The following VIPR1 variants were observed in gnomAD, a reference collection of about 807,000 sequenced individuals.
The protein encoded by VIPR1 is vasoactive intestinal polypeptide receptor 1.
VIPR1 carries 59 observed loss-of-function variants against 58.8 expected under a neutral mutation model. The ratio of observed to expected loss-of-function variants is 1.00; its 90% CI spans 0.81 to 1.25. The LOEUF is 1.25. Ranked by LOEUF, VIPR1 falls within the 50% of genes most tolerant of loss-of-function variation. VIPR1 has a pLI of 0.00. For missense variants in VIPR1, 626 were observed against 602.7 expected, an observed-to-expected ratio of 1.04 and a Z score of -0.40; for synonymous variants, 251 against 242.1, an observed-to-expected ratio of 1.04 and a Z score of -0.34.
intron 1 of VIPR1, among the ~76,000 whole-genome samples, chr3:42,497,608 A>C (rs747776312): frequency 7.9e-5 from 12 of 152,122 alleles, no homozygotes; most frequent in Non-Finnish European, 1.2e-4. Flanking sequence ...TCGCCACCCA[A>C]ATGTCATCTT....
At chr3:42,497,109 A>G (rs1699777192) in intron 1 of VIPR1, among the ~76,000 whole-genome samples, 1 of 152,202 alleles carries the variant, frequency 6.6e-6, no homozygotes, top group Non-Finnish European at 1.5e-5. Flanking sequence ...ACAGGAACGC[A>G]GGACTGGGAA....
chr3:42,517,667 CTG>C (rs1188123192), intron 2 of VIPR1, among the ~76,000 whole-genome samples: 1 of 152,172 alleles, frequency 6.6e-6, no homozygotes, highest in African/African-American at 2.4e-5. Flanking sequence ...TTGGGGGAAT[CTG>C]TGTTGTTCAA....
upstream of VIPR1, among the ~76,000 whole-genome samples, chr3:42,498,471 C>T (rs1038561398): frequency 1.3e-4 from 20 of 152,310 alleles, no homozygotes; most frequent in Non-Finnish European, 1.5e-5. Flanking sequence ...TAAACATTCA[C>T]ACTCCTAACT....
At chr3:42,535,310 C>T in intron 11 of VIPR1, 33 bp from the exon 12 acceptor site, 3 of 1,613,540 alleles carry the variant, frequency 1.9e-6, no homozygotes, top group Non-Finnish European at 2.5e-6. Context: ...TCTGGTCTGT[C>T]TACCTCACCT....
At chr3:42,495,368 T>G (rs1289605677) in intron 1 of VIPR1, among the ~76,000 whole-genome samples, 4 of 152,082 alleles carry the variant, frequency 2.6e-5, no homozygotes, top group Admixed American at 1.3e-4. Flanking sequence ...TGATCTGCCC[T>G]CCTTGGCCTC....
At chr3:42,532,174 C>A in intron 9 of VIPR1, 68 bp from the exon 10 acceptor site, 1 of 1,451,140 alleles carries the variant, frequency 6.9e-7, no homozygotes, top group Non-Finnish European at 9.7e-7. Context: ...GACAGGCCAG[C>A]AGTCAAGGGG....
chr3:42,523,092 C>CCA (rs200769128), intron 3 of VIPR1, among the ~76,000 whole-genome samples: 12 of 151,506 alleles, frequency 7.9e-5, no homozygotes, highest in Non-Finnish European at 1.2e-4. Flanking sequence ...TGACCCCGCC[C>CCA]CCAGTGGAGT....
At chr3:42,510,293 C>A (rs1382290715) in intron 1 of VIPR1, among the ~76,000 whole-genome samples, 4 of 152,222 alleles carry the variant, frequency 2.6e-5, no homozygotes, top group Admixed American at 6.5e-5. Flanking sequence ...ATGAGTACAG[C>A]ATACCCATTC....
At chr3:42,528,146 A>C (rs1176996334) in intron 6 of VIPR1, 23 bp downstream of exon 6, 4 of 1,608,150 alleles carry the variant, frequency 2.5e-6, no homozygotes, top group South Asian at 2.2e-5. Flanking sequence ...GCCCTGGCCC[A>C]CCTCCCTCAG....
intron 1 of VIPR1, among the ~76,000 whole-genome samples, chr3:42,496,162 G>T (rs144456742): frequency 6.6e-6 from 1 of 152,010 alleles, no homozygotes; most frequent in African/African-American, 2.4e-5. Context: ...GCTTGAACCC[G>T]GGAGGCGGAG....
intron 1 of VIPR1, among the ~76,000 whole-genome samples, chr3:42,491,566 GTTTGTTTGTTTGTTT>G (rs1332832516): frequency 1.5e-4 from 22 of 145,558 alleles, no homozygotes; most frequent in African/African-American, 5.3e-4. Flanking sequence ...TTTATTTTTT[GTTTGTTTGTTTGTTT>G]TTTGTTTGTT....
intron 6 of VIPR1, 25 bp from the exon 7 acceptor site, chr3:42,530,754 C>T: frequency 6.2e-7 from 1 of 1,611,642 alleles, no homozygotes; most frequent in East Asian, 2.2e-5. Flanking sequence ...CCCAGTGAAC[C>T]CCGTCTTTTC....
At chr3:42,524,263 C>T (rs1231076173) in intron 3 of VIPR1, among the ~76,000 whole-genome samples, 1 of 152,194 alleles carries the variant, frequency 6.6e-6, no homozygotes. Flanking sequence ...AGGGGCTGGG[C>T]TGAAGGCTCT....
chr3:42,535,159 C>T (rs1701778657), intron 11 of VIPR1, 55 bp downstream of exon 11: 1 of 1,612,130 alleles, frequency 6.2e-7, no homozygotes, highest in African/African-American at 1.3e-5. Flanking sequence ...GGGAATTCAA[C>T]CTGGAGTCTT....
intron 1 of VIPR1, among the ~76,000 whole-genome samples, chr3:42,504,458 C>T (rs954232377): frequency 6.6e-6 from 1 of 152,108 alleles, no homozygotes; most frequent in Non-Finnish European, 1.5e-5. Context: ...ATTGCTCCAG[C>T]CAACTCAACC....
At chr3:42,522,080 A>AATATATATATATATATATATATAT (rs59106663) in intron 3 of VIPR1, among the ~76,000 whole-genome samples, 63 of 52,930 alleles carry the variant, frequency 1.2e-3, no homozygotes, top group Non-Finnish European at 1.4e-3. Context: ...TCTACCTTCG[A>AATATATATATATATATATATATAT]ATATATATAT....
At chr3:42,531,165 C>T in intron 7 of VIPR1, 1 of 625,508 alleles carries the variant, frequency 1.6e-6, no homozygotes, top group Non-Finnish European at 2.8e-6. Flanking sequence ...ATTTTGTGAA[C>T]ATCTTTCCAT....
chr3:42,519,473 G>T, intron 3 of VIPR1, 143 bp downstream of exon 3: 1 of 578,918 alleles, frequency 1.7e-6, no homozygotes, highest in East Asian at 3.3e-5. Flanking sequence ...AGGCAATGGT[G>T]CTGGGTCTTT....
intron 1 of VIPR1, among the ~76,000 whole-genome samples, chr3:42,492,989 C>T (rs932767670): frequency 6.6e-6 from 1 of 152,272 alleles, no homozygotes; most frequent in African/African-American, 2.4e-5. Context: ...AGATCTCTAA[C>T]ATTTTCCCAG....
Sources: gnomAD v4.1 joint callset for allele counts (sites outside exome capture counted in the v4.1 genomes callset) on GRCh38, gnomAD v4.1.1 for gene constraint, MANE v1.5 for transcripts, NCBI Gene and HGNC (gene_info 2026-07-23, HGNC 2026-07-21) for gene names.